The following LGALS3 variants were observed in gnomAD, a reference collection of about 807,000 sequenced individuals.
LGALS3 encodes the protein galectin-3.
LGALS3 carries 18 observed loss-of-function variants against 20.7 expected under a neutral mutation model. The ratio of observed to expected loss-of-function variants is 0.87; its 90% CI spans 0.60 to 1.29. The LOEUF is 1.29. Among genes scored for constraint, LGALS3 ranks in the 50% most tolerant of loss-of-function variants. The probability of loss-of-function intolerance (pLI) is 0.00; values close to 1 mark genes in which losing one functional copy is unlikely to be tolerated. For missense variants in LGALS3, 315 were observed against 314.7 expected (o/e 1.00, Z -0.01); for synonymous variants, 112 against 119.6 (o/e 0.94, Z 0.42).
intron 3 of LGALS3, among the ~76,000 whole-genome samples, chr14:55,138,676 A>G (rs553257023): frequency 6.6e-6 from 1 of 152,320 alleles, no homozygotes; most frequent in African/African-American, 2.4e-5. Context: ...TACATGGATA[A>G]TCTCATTTAA....
Position 55,138,063 on chromosome 14 carries a change from G to C in LGALS3, c.37G>C (p.Gly13Arg), listed in dbSNP as rs1881469541. ...TTTCCAGCTCCATGATGCGTTATCT[G>C]GGTCTGGAAACCCAAACCCTCAAGG... is the stretch of plus-strand genomic sequence containing the variant. ...DNFSLHDALS[G>R]SGNPNPQGWP... The change falls in exon 3 of 6, where the codon GGG becomes CGG. Residue 13 changes from glycine (G) to arginine (R), a missense_variant. Transcript: ENST00000254301. The C allele has an allele frequency of 6.6e-7, 1 of 1,503,874 alleles. No individual in the cohort carries two copies. The highest frequency in any genetic ancestry group is 8.9e-7 in the Non-Finnish European group (1 of 1,127,366). 93.2% of individuals were successfully genotyped at this position (1,503,874 alleles called of 1,614,324 possible).
In LGALS3 at chr14:55,145,269, T is replaced by C. The variant is rs1010921645; in HGVS notation, c.751T>C (p.Ter251GlnextTer41). ...CACCAGTGCTTCATATACCATGATA[T>C]AATCTGAAAGGGGCAGATTAAAAAA... ...DLTSASYTMI[*>Q] Residue 251 changes from the stop codon to glutamine (Q), a stop_lost, in exon 6 of 6, where the codon TAA becomes CAA. Transcript: ENST00000254301. The C allele has an allele frequency of 5.6e-6, 9 of 1,612,648 alleles. No individual in the cohort carries two copies. Among genetic ancestry groups the C allele is most frequent in the African/African-American group, 1.3e-5 (1 of 74,782 alleles).
In LGALS3 at chr14:55,129,747, C is replaced by T. The variant is rs564984508; in HGVS notation, c.-5+447C>T. On this transcript the variant is annotated intron_variant, in intron 1 of 5. Transcript: ENST00000254301. This position sits in a 1 kb window ranked among gnomAD's most constrained non-coding sequence, Gnocchi z 5.3. ...GGGGCTCGCTCAGCAAACCAGACGGCCGCTCCAGTTTCTCTAATTGGGGTT... is the reference window on the plus strand; with the variant it reads ...GGGGCTCGCTCAGCAAACCAGACGGTCGCTCCAGTTTCTCTAATTGGGGTT... 6.6e-6 allele frequency among the ~76,000 whole-genome samples: 1 copy of T among 152,300 alleles called. No homozygotes were observed. The highest frequency in any genetic ancestry group is 1.9e-4 in the East Asian group (1 of 5,164).
chr14:55,130,764 G>A (rs568438598), intron 1 of LGALS3, among the ~76,000 whole-genome samples: 2 of 148,178 alleles, frequency 1.3e-5, no homozygotes, highest in Non-Finnish European at 3.0e-5. Context: ...GGGGGGGGGG[G>A]GGTCCCTCCA....
rs759093692 is a variant in LGALS3, at chr14:55,138,362, G to T, written c.336G>T (p.Gly112=). 4 of 1,612,860 alleles carry T rather than the reference G, an allele frequency of 2.5e-6. No homozygotes were observed. In the South Asian group the frequency reaches 4.4e-5, roughly 18 times the overall value. The change falls in exon 3 of 6, where the codon GGG becomes GGT. Residue 112 remains glycine, a synonymous_variant. Transcript: ENST00000254301. Reference sequence around the variant, plus strand: ...CTGGCCCCTATGGCGCCCCTGCTGGGCCACTGGTGAGATGGCATTCCTTCT... The same window carrying T: ...CTGGCCCCTATGGCGCCCCTGCTGGTCCACTGGTGAGATGGCATTCCTTCT... The part of the protein sequence containing the change: ...PATGPYGAPA[G]PLIVPYNLPL...
At chr14:55,135,154 T>TA (rs879803763) in intron 1 of LGALS3, among the ~76,000 whole-genome samples, 86 of 141,728 alleles carry the variant, frequency 6.1e-4, no homozygotes, top group Middle Eastern at 7.0e-3. Flanking sequence ...AGACCCTGTC[T>TA]AAAAAAAAAA....
Position 55,145,185 on chromosome 14 carries a change from C to T in LGALS3, c.667C>T (p.His223Tyr). 6.2e-7 allele frequency: 1 copy of T among 1,613,796 alleles called. No individual in the cohort carries two copies. Among genetic ancestry groups the T allele is most frequent in the Non-Finnish European group, 8.5e-7 (1 of 1,179,838 alleles). ...TGATGCTCACTTGTTGCAGTACAAT[C>T]ATCGGGTTAAAAAACTCAATGAAAT... The part of the protein sequence containing the change: ...VNDAHLLQYN[H>Y]RVKKLNEISK... The change falls in exon 6 of 6, where the codon CAT (histidine) becomes TAT (tyrosine). Residue 223 changes from histidine (H) to tyrosine (Y), a missense_variant. Physicochemically the swap from His to Tyr is moderately conservative, Grantham distance 83 (BLOSUM62 2). Transcript: ENST00000254301.
At chr14:55,143,884 GCTTCCTAGAAGCAAGTCTTCTAGAAATC>G (rs1881721175) in intron 5 of LGALS3, among the ~76,000 whole-genome samples, 2 of 151,824 alleles carry the variant, frequency 1.3e-5, no homozygotes, top group African/African-American at 2.4e-5. Flanking sequence ...AGAAATCTTT[GCTTCCTAGAAGCAAGTCTTCTAGAAATC>G]TTTGCTTCCT....
chr14:55,130,753 TGGG>T (rs752557592), intron 1 of LGALS3, among the ~76,000 whole-genome samples: 63 of 60,932 alleles, frequency 1.0e-3, no homozygotes, highest in South Asian at 2.9e-3. Flanking sequence ...GTGGTGGTGG[TGGG>T]GGGGGGGGGG....
At chr14:55,145,083 CT>C (rs760234720) in intron 5 of LGALS3, 32 bp from the exon 6 acceptor site, 5 of 1,577,350 alleles carry the variant, frequency 3.2e-6, no homozygotes, top group East Asian at 4.5e-5. Context: ...TATGCATTAC[CT>C]CATGTAACAG....
intron 1 of LGALS3, among the ~76,000 whole-genome samples, chr14:55,133,772 T>G (rs1015309458): frequency 2.0e-5 from 3 of 152,194 alleles, no homozygotes; most frequent in Non-Finnish European, 4.4e-5. Context: ...GAAAATAAAC[T>G]AAACATGCTT....
intron 1 of LGALS3, among the ~76,000 whole-genome samples, chr14:55,133,926 T>G (rs2140289315): frequency 6.6e-6 from 1 of 152,376 alleles, no homozygotes; most frequent in East Asian, 1.9e-4. Context: ...CAGCTAGTTT[T>G]AACAATTGAA....
At position 55,137,519 on chromosome 14, in the gene LGALS3, C is replaced by T. The variant is rs36059179; in HGVS notation, c.18+128C>T. Reference sequence around the variant, plus strand: ...GTGGCTTCCCCTGGACTCATTTGTCCAATGAGGGCTTGCAAGCTGGAGCCT... The same window carrying T: ...GTGGCTTCCCCTGGACTCATTTGTCTAATGAGGGCTTGCAAGCTGGAGCCT... On this transcript the variant is annotated intron_variant, in intron 2 of 5. Coordinates refer to ENST00000254301, the MANE Select transcript of LGALS3 (RefSeq NM_002306.4). The T allele has an allele frequency of 2.6e-4, 412 of 1,592,452 alleles. 1 individual carries two copies. The highest frequency in any genetic ancestry group is 5.5e-4 in the Admixed American group (31 of 56,540).
chr14:55,132,034 A>T (rs1246167285), intron 1 of LGALS3, among the ~76,000 whole-genome samples: 1 of 152,246 alleles, frequency 6.6e-6, no homozygotes, highest in Admixed American at 6.5e-5. Flanking sequence ...CGCACAGGTC[A>T]GGGACCTTTA....
intron 4 of LGALS3, among the ~76,000 whole-genome samples, chr14:55,142,137 G>A (rs1881644911): frequency 6.6e-6 from 1 of 152,220 alleles, no homozygotes. Context: ...AGGAAGCCAG[G>A]TATTTGATGG....
chr14:55,143,214 G>A (rs756027126), intron 5 of LGALS3, among the ~76,000 whole-genome samples: 4 of 152,012 alleles, frequency 2.6e-5, no homozygotes, highest in African/African-American at 7.2e-5. Context: ...GTTGCAATTC[G>A]ATGAGTATCT....
At chr14:55,142,435 C>A in intron 4 of LGALS3, 149 bp from the exon 5 acceptor site, 2 of 566,836 alleles carry the variant, frequency 3.5e-6, no homozygotes, top group South Asian at 5.5e-5. Context: ...CCAGTTTGAA[C>A]CCATTCTGAT....
rs1881578990 is a variant in LGALS3, at chr14:55,140,356, G to T, written c.424G>T (p.Ala142Ser). ...AATTCTGGGCACGGTGAAGCCCAAT[G>T]CAAACAGGTAAGGAGAGCAAAATTA... ...ITILGTVKPN[A>S]NRIALDFQRG... The change falls in exon 4 of 6, where the codon GCA becomes TCA. Residue 142 changes from alanine to serine, a missense_variant. Physicochemically the swap from Ala to Ser is moderately conservative, Grantham distance 99. Transcript: ENST00000254301. 1.2e-6 allele frequency: 2 copies of T among 1,609,228 alleles called. No homozygotes were observed. Among genetic ancestry groups the T allele is most frequent in the Non-Finnish European group, 1.7e-6 (2 of 1,176,456 alleles).
At chr14:55,144,950 G>C (rs1487002784) in intron 5 of LGALS3, among the ~76,000 whole-genome samples, 166 bp from the exon 6 acceptor site, 1 of 152,166 alleles carries the variant, frequency 6.6e-6, no homozygotes, top group Non-Finnish European at 1.5e-5. Context: ...GACATCCTGG[G>C]CTCAGGCCAG....
Sources: allele counts gnomAD v4.1 joint callset (sites outside exome capture counted in the v4.1 genomes callset), GRCh38; gene constraint gnomAD v4.1.1; non-coding constraint Gnocchi (gnomAD v3.1); transcripts MANE v1.5; gene names NCBI Gene and HGNC (gene_info 2026-07-23, HGNC 2026-07-21).